Variants in HGD observed in about 807,000 individuals in gnomAD.
The protein encoded by HGD is homogentisate oxidase.
In HGD, 61 loss-of-function variants were observed where a neutral mutation model predicts 60.8. The observed-to-expected ratio is 1.00, with a 90% CI of 0.82 to 1.24. HGD has a LOEUF of 1.24. Among genes scored for constraint, HGD ranks in the 50% most tolerant of loss-of-function variants. HGD has a pLI of 0.00. For synonymous variants in HGD, 212 were observed against 187.7 expected, an observed-to-expected ratio of 1.13 and a Z score of -1.06; for missense variants, 542 against 547.1, an observed-to-expected ratio of 0.99 and a Z score of 0.09.
rs139029249 is a variant in HGD, at chr3:120,646,180, G to A, written c.649+87C>T. Reference sequence around the variant, plus strand: ...GAAAAGTGGAAGTTTGAGTGAGACAGCGAAGGGAGAAGGATGTTTAACTTT... The same window carrying A: ...GAAAAGTGGAAGTTTGAGTGAGACAACGAAGGGAGAAGGATGTTTAACTTT... On this transcript the variant is annotated intron_variant, in intron 9 of 13. Transcript: ENST00000283871. 260 of 866,256 alleles carry A rather than the reference G, an allele frequency of 3.0e-4. No homozygotes were observed. In the African/African-American group the frequency reaches 4.0e-3, roughly 13 times the overall value. 53.7% of individuals were successfully genotyped at this position (866,256 alleles called of 1,614,324 possible). A position where few individuals can be genotyped will look rare whatever the true frequency, so the allele number is the denominator to read the frequency against.
chr3:120,641,932 A>G (rs919063059), intron 10 of HGD: 1 of 529,728 alleles, frequency 1.9e-6, no homozygotes, highest in African/African-American at 1.9e-5. Flanking sequence ...TTCTGATCAC[A>G]CATGCAGCAG....
At chr3:120,674,802 G>C in intron 3 of HGD, 99 bp downstream of exon 3, 1 of 803,298 alleles carries the variant, frequency 1.2e-6, no homozygotes, top group Non-Finnish European at 2.2e-6. Flanking sequence ...CAGGATCTTG[G>C]GCAGCTCTGG....
At position 120,652,595 on chromosome 3, in the gene HGD, C is replaced by CA; in HGVS notation, c.338dup (p.Ser114GlufsTer15). ...GGTGTGGATGGGACTGACTTACACT[C>CA]ACAAAGTCTACTTTCTTCTGAGATG... On this transcript the variant is annotated frameshift_variant, in exon 5 of 14. Coordinates refer to ENST00000283871, the MANE Select transcript of HGD (RefSeq NM_000187.4). LOFTEE classifies it high-confidence loss of function. The CA allele has an allele frequency of 6.2e-7, 1 of 1,612,164 alleles. No individual in the cohort carries two copies. The highest frequency in any genetic ancestry group is 1.1e-5 in the South Asian group (1 of 91,024).
chr3:120,670,816 A>C (rs1708010358), intron 3 of HGD, among the ~76,000 whole-genome samples: 1 of 152,196 alleles, frequency 6.6e-6, no homozygotes, highest in Admixed American at 6.6e-5. Flanking sequence ...GTCTTTTCTA[A>C]AAACTATAAG....
rs1345703552 is a variant in HGD, at chr3:120,650,883, A to T, written c.343-18T>A. On this transcript the variant is annotated intron_variant, in intron 5 of 13. Coordinates refer to ENST00000283871, the MANE Select transcript of HGD (RefSeq NM_000187.4). ...TGCAGGCCCTGGGAGAGACCCACAGAAGAGGGAAAGGTTAATGTGAACGGT... is the reference window on the plus strand; with the variant it reads ...TGCAGGCCCTGGGAGAGACCCACAGTAGAGGGAAAGGTTAATGTGAACGGT... The T allele has an allele frequency of 1.9e-6, 3 of 1,592,824 alleles. No individual in the cohort carries two copies. The highest frequency in any genetic ancestry group is 2.6e-6 in the Non-Finnish European group (3 of 1,160,736).
chr3:120,671,958 A>C (rs1253941010), intron 3 of HGD, among the ~76,000 whole-genome samples: 3 of 145,616 alleles, frequency 2.1e-5, no homozygotes, highest in African/African-American at 7.7e-5. Flanking sequence ...GGACACAGTG[A>C]GGGGAATAAC....
chr3:120,665,126 T>C (rs780057589), intron 4 of HGD, among the ~76,000 whole-genome samples: 6 of 152,204 alleles, frequency 3.9e-5, no homozygotes, highest in African/African-American at 1.2e-4. Flanking sequence ...GATTTCAGGA[T>C]GGCAAAACCT....
At chr3:120,663,843 A>G (rs978005011) in intron 4 of HGD, among the ~76,000 whole-genome samples, 3 of 150,454 alleles carry the variant, frequency 2.0e-5, no homozygotes, top group Admixed American at 2.0e-4. Context: ...GAAGTTTAAA[A>G]AGACATGGAA....
chr3:120,645,862 T>G (rs1278463609), intron 9 of HGD, among the ~76,000 whole-genome samples: 2 of 152,230 alleles, frequency 1.3e-5, no homozygotes, highest in East Asian at 3.8e-4. Context: ...ACTTATATGC[T>G]TTTGCAAAGC....
chr3:120,641,496 A>C lies in HGD; in HGVS notation c.879+93T>G, dbSNP rs1339307967. On this transcript the variant is annotated intron_variant, in intron 11 of 13. Transcript: ENST00000283871. ...CTAGGGCTTCCAATGGTGACATTGG[A>C]AATGTTAGATCTGTAAATGTCAGGG... 7 of 833,716 alleles carry C rather than the reference A, an allele frequency of 8.4e-6. No homozygotes were observed. In the African/African-American group the frequency reaches 1.0e-4, roughly 12 times the overall value. 51.6% of individuals were successfully genotyped at this position (833,716 alleles called of 1,614,324 possible). A position where few individuals can be genotyped will look rare whatever the true frequency, so the allele number is the denominator to read the frequency against.
chr3:120,671,987 G>T (rs184978727), intron 3 of HGD, among the ~76,000 whole-genome samples: 11 of 151,928 alleles, frequency 7.2e-5, no homozygotes, highest in African/African-American at 2.4e-4. Flanking sequence ...GGGCCTGTTG[G>T]GGGGTGGGAG....
At chr3:120,661,042 T>C (rs1050707345) in intron 4 of HGD, among the ~76,000 whole-genome samples, 1 of 152,230 alleles carries the variant, frequency 6.6e-6, no homozygotes, top group Non-Finnish European at 1.5e-5. Flanking sequence ...TGATTATTAT[T>C]ATCATCTCTA....
rs1941374527 is a variant in HGD, at chr3:120,652,545, C to G, written c.342+47G>C. 4.2e-6 allele frequency: 6 copies of G among 1,427,908 alleles called. No individual in the cohort carries two copies. The South Asian group carries it at 6.9e-5, about 16-fold the overall frequency. 88.5% of individuals were successfully genotyped at this position (1,427,908 alleles called of 1,614,324 possible). A position where few individuals can be genotyped will look rare whatever the true frequency, so the allele number is the denominator to read the frequency against. On this transcript the variant is annotated intron_variant, in intron 5 of 13. Coordinates refer to ENST00000283871, the MANE Select transcript of HGD (RefSeq NM_000187.4). ...CTGCAAATGGTTGGCTCACTCACCA[C>G]AGAAGAGAGGAGAGCAGTAGGGAGG...
At chr3:120,630,946 T>G (rs755151913) in intron 13 of HGD, among the ~76,000 whole-genome samples, 1 of 151,248 alleles carries the variant, frequency 6.6e-6, no homozygotes, top group East Asian at 1.9e-4. Flanking sequence ...ACGACGGAGC[T>G]GGAGGCCATT....
At chr3:120,681,377 C>A (rs2733788) in intron 1 of HGD, among the ~76,000 whole-genome samples, 1 of 152,208 alleles carries the variant, frequency 6.6e-6, no homozygotes, top group Non-Finnish European at 1.5e-5. Flanking sequence ...AGATACCAGT[C>A]TAGTAGGAGC....
At chr3:120,635,418 A>T (rs1940735170) in intron 12 of HGD, among the ~76,000 whole-genome samples, 1 of 145,088 alleles carries the variant, frequency 6.9e-6, no homozygotes, top group South Asian at 2.3e-4. Flanking sequence ...CAGAGCTTGC[A>T]GTGAGCCAAG....
chr3:120,651,929 G>T (rs1941354988), intron 5 of HGD, among the ~76,000 whole-genome samples: 1 of 152,160 alleles, frequency 6.6e-6, no homozygotes, highest in South Asian at 2.1e-4. Flanking sequence ...ATTTACTTTT[G>T]CTAATCTCTG....
intron 6 of HGD, 46 bp downstream of exon 6, chr3:120,650,728 T>G (rs3817627): frequency 0.66 from 929,507 of 1,416,222 alleles, 309,876 homozygotes; most frequent in East Asian, 0.82. Context: ...CTGGCCAAAA[T>G]CCCTTAGAAG....
intron 4 of HGD, among the ~76,000 whole-genome samples, chr3:120,664,378 T>TCTTTTCTCTTTCTTTTCTTTCTTTCTTTC (rs1707849394): frequency 6.6e-6 from 1 of 152,074 alleles, no homozygotes; most frequent in Non-Finnish European, 1.5e-5. Context: ...GATTAACTTT[T>TCTTTTCTCTTTCTTTTCTTTCTTTCTTTC]CTTTTCTCTT....
Sources: allele counts gnomAD v4.1 joint callset (sites outside exome capture counted in the v4.1 genomes callset), GRCh38; gene constraint gnomAD v4.1.1; transcripts MANE v1.5; gene names NCBI Gene and HGNC (gene_info 2026-07-23, HGNC 2026-07-21).